CLHC1: variants seen among roughly 807,000 people sequenced by gnomAD.
The protein encoded by CLHC1 is clathrin heavy chain linker domain containing 1.
In CLHC1, 72 loss-of-function variants were observed where a neutral mutation model predicts 69.5. The observed-to-expected ratio is 1.04, with a 90% CI of 0.86 to 1.26. The LOEUF is 1.26. Among genes scored for constraint, CLHC1 ranks in the 50% most tolerant of loss-of-function variants. The probability of loss-of-function intolerance (pLI) is 0.00; values close to 1 mark genes in which losing one functional copy is unlikely to be tolerated. For synonymous variants in CLHC1, 223 were observed against 224.3 expected (o/e 0.99, Z 0.05); for missense variants, 790 against 679.3 (o/e 1.16, Z -1.81).
rs766485495 is a variant in CLHC1, at chr2:55,217,780, C to G, written c.365+31G>C. The G allele has an allele frequency of 1.1e-5, 15 of 1,396,180 alleles. No individual in the cohort carries two copies. The African/African-American group carries it at 2.2e-4, about 21-fold the overall frequency. The allele number at this position is 1,396,180 out of a possible 1,614,324, so 86.5% of individuals were successfully genotyped here. A position where few individuals can be genotyped will look rare whatever the true frequency, so the allele number is the denominator to read the frequency against. ...GTTATTATAATCAAGCAACAACTACCATCTTTTGGGCTAGTTACTAAAATA... is the reference window on the plus strand; with the variant it reads ...GTTATTATAATCAAGCAACAACTACGATCTTTTGGGCTAGTTACTAAAATA... On this transcript the variant is annotated intron_variant, in intron 4 of 12. Coordinates refer to ENST00000401408, the MANE Select transcript of CLHC1 (RefSeq NM_152385.4).
chr2:55,176,417 T>C (rs1403700635), intron 12 of CLHC1, among the ~76,000 whole-genome samples: 2 of 152,226 alleles, frequency 1.3e-5, no homozygotes, highest in Non-Finnish European at 2.9e-5. Context: ...CAAACACTTA[T>C]ATAAATGCCT....
intron 9 of CLHC1, among the ~76,000 whole-genome samples, chr2:55,190,176 C>G (rs1370886822): frequency 6.6e-6 from 1 of 151,882 alleles, no homozygotes; most frequent in Non-Finnish European, 1.5e-5. Flanking sequence ...TCCCGAGTAG[C>G]TGGGACTACA....
chr2:55,178,560 G>A (rs1442262809), intron 11 of CLHC1, among the ~76,000 whole-genome samples: 3 of 152,102 alleles, frequency 2.0e-5, no homozygotes, highest in South Asian at 2.1e-4. Flanking sequence ...CATAATGATT[G>A]TGTACTGTAT....
chr2:55,209,220 C>T (rs1672745474), intron 7 of CLHC1, among the ~76,000 whole-genome samples, 184 bp downstream of exon 7: 2 of 152,038 alleles, frequency 1.3e-5, no homozygotes, highest in African/African-American at 2.4e-5. Context: ...CTTTGGCTCA[C>T]CAAGTCTATT....
Position 55,190,938 on chromosome 2 carries a change from CA to C in CLHC1, c.1007-9195del, listed in dbSNP as rs370889627. The stretch of plus-strand genomic sequence containing the variant: ...ATACTAACACTCACAATCAAAGTGC[CA>C]AAAAAAAAGTAAAAATGAGAAAATC... On this transcript the variant is annotated intron_variant, in intron 9 of 12. Transcript: ENST00000401408. 1.1e-3 allele frequency among the ~76,000 whole-genome samples: 166 copies of C among 148,938 alleles called. 2 individuals carry two copies. In the East Asian group the frequency reaches 0.03, roughly 27 times the overall value.
rs1669070348 is a variant in CLHC1 at position 55,172,822 on chromosome 2, T to A, written c.*2968A>T. On this transcript the variant is annotated 3_prime_UTR_variant, in exon 13 of 13. Transcript: ENST00000401408. The stretch of plus-strand genomic sequence containing the variant: ...CACCTTTTAAAGTTAAAAAAGTGAT[T>A]AATTTAATGGTCATTTCTTAGTTAA... Among the ~76,000 whole-genome samples, 1 of 152,124 alleles carries A rather than the reference T, an allele frequency of 6.6e-6. No homozygotes were observed. Among genetic ancestry groups the A allele is most frequent in the Non-Finnish European group, 1.5e-5 (1 of 68,014 alleles).
intron 11 of CLHC1, among the ~76,000 whole-genome samples, chr2:55,178,892 T>C (rs952326410): frequency 6.7e-6 from 1 of 149,760 alleles, no homozygotes; most frequent in African/African-American, 2.5e-5. Flanking sequence ...TTACTACATT[T>C]CAAAATCCAT....
chr2:55,202,321 C>A (rs533082399), intron 9 of CLHC1, among the ~76,000 whole-genome samples: 1 of 150,734 alleles, frequency 6.6e-6, no homozygotes, highest in African/African-American at 2.4e-5. Context: ...TTTGGGAGAC[C>A]GAGGTGTGCG....
chr2:55,205,586 T>G (rs529213724), intron 9 of CLHC1: 2 of 152,172 alleles, frequency 1.3e-5, no homozygotes, highest in African/African-American at 4.8e-5. Flanking sequence ...CATGGGTGTA[T>G]GCATATGTCA....
chr2:55,178,952 A>G (rs539398764), intron 11 of CLHC1, among the ~76,000 whole-genome samples: 16 of 150,302 alleles, frequency 1.1e-4, no homozygotes, highest in Non-Finnish European at 2.2e-4. Context: ...ATTATTGGAT[A>G]AGGTCTCACT....
chr2:55,190,258 A>G (rs1670796198), intron 9 of CLHC1, among the ~76,000 whole-genome samples: 1 of 151,952 alleles, frequency 6.6e-6, no homozygotes. Context: ...CATGTTAGCC[A>G]GGTTGGTCTC....
chr2:55,223,453 C>G (rs1341583424), intron 2 of CLHC1, among the ~76,000 whole-genome samples: 1 of 152,116 alleles, frequency 6.6e-6, no homozygotes, highest in Non-Finnish European at 1.5e-5. Context: ...CGCTGTGGGC[C>G]GGCCCCGCGC....
intron 9 of CLHC1, among the ~76,000 whole-genome samples, chr2:55,198,985 T>C (rs1191490193): frequency 6.6e-6 from 1 of 152,036 alleles, no homozygotes; most frequent in Non-Finnish European, 1.5e-5. Context: ...TTCATCAACA[T>C]CATACTTGTC....
intron 4 of CLHC1, among the ~76,000 whole-genome samples, chr2:55,214,200 G>A (rs1673273302): frequency 6.6e-6 from 1 of 152,144 alleles, no homozygotes; most frequent in South Asian, 2.1e-4. Flanking sequence ...AATGTCACAG[G>A]GTTTTTGGCA....
At chr2:55,228,937 G>T (rs1375435777) in intron 1 of CLHC1, among the ~76,000 whole-genome samples, 1 of 152,068 alleles carries the variant, frequency 6.6e-6, no homozygotes, top group Non-Finnish European at 1.5e-5. Flanking sequence ...ATCACTTGAG[G>T]TTAGGAGTTT....
intron 9 of CLHC1, among the ~76,000 whole-genome samples, chr2:55,203,339 C>G (rs1356560572): frequency 6.6e-6 from 1 of 151,992 alleles, no homozygotes; most frequent in Non-Finnish European, 1.5e-5. Context: ...CACAAAAGAC[C>G]CAGAATAGCC....
intron 7 of CLHC1, 120 bp from the exon 8 acceptor site, chr2:55,208,830 C>T (rs1672690880): frequency 3.6e-6 from 2 of 557,212 alleles, no homozygotes; most frequent in East Asian, 6.1e-5. Context: ...GCAGCAACCT[C>T]TTCCTAAACT....
intron 3 of CLHC1, among the ~76,000 whole-genome samples, chr2:55,220,491 A>G (rs1674004400): frequency 6.6e-6 from 1 of 152,214 alleles, no homozygotes; most frequent in Non-Finnish European, 1.5e-5. Context: ...TAAAATTTAC[A>G]ATTATGCAAT....
In CLHC1 at chr2:55,206,316, A is replaced by G. The variant is rs151168260; in HGVS notation, c.960T>C (p.Ser320=). 2.0e-5 allele frequency: 32 copies of G among 1,611,580 alleles called. No individual in the cohort carries two copies. The highest frequency in any genetic ancestry group is 2.5e-5 in the Non-Finnish European group (30 of 1,178,204). ...CAATGTTTCGAAGAATTCTTCTAGG[A>G]CTGTTTGCTGCATAACAAGCTGCCT... The part of the protein sequence containing the change: ...YEKAACYAAN[S]PRRILRNIGT... The change falls in exon 9 of 13, where the codon AGT becomes AGC. Residue 320 remains serine (S), a synonymous_variant. Transcript: ENST00000401408.
Sources: allele counts gnomAD v4.1 joint callset (sites outside exome capture counted in the v4.1 genomes callset), GRCh38; gene constraint gnomAD v4.1.1; transcripts MANE v1.5; gene names NCBI Gene and HGNC (gene_info 2026-07-23, HGNC 2026-07-21).